The following DCBLD1 variants were observed in gnomAD, a reference collection of about 807,000 sequenced individuals.
DCBLD1 encodes discoidin, CUB and LCCL domain containing 1.
A neutral mutation model predicts 71.5 loss-of-function variants in DCBLD1; 57 were observed. The observed-to-expected ratio is 0.80, with a 90% CI of 0.64 to 0.99. The LOEUF is 0.99. DCBLD1 is among the 50% of genes least tolerant of loss of function. The pLI is 0.00. For synonymous variants in DCBLD1, 380 were observed against 363.8 expected, an observed-to-expected ratio of 1.04 and a Z score of -0.51; for missense variants, 891 against 923.5, an observed-to-expected ratio of 0.96 and a Z score of 0.46.
At position 117,489,422 on chromosome 6, in the gene DCBLD1, G is replaced by A. The variant is rs557263698; in HGVS notation, c.112+6529G>A. 2.0e-5 allele frequency among the ~76,000 whole-genome samples: 3 copies of A among 152,276 alleles called. No individual in the cohort carries two copies. In the East Asian group the frequency reaches 5.8e-4, roughly 29 times the overall value. ...ATCATATTCCAACATGAGATCTGGAGGGGACAAAACATCCAAACCATATCA... is the reference window on the plus strand; with the variant it reads ...ATCATATTCCAACATGAGATCTGGAAGGGACAAAACATCCAAACCATATCA... On this transcript the variant is annotated intron_variant, in intron 1 of 14. Transcript: ENST00000338728.
Position 117,548,280 on chromosome 6 carries a change from G to T in DCBLD1, c.1989G>T (p.Arg663Ser), listed in dbSNP as rs1779345967. The T allele has an allele frequency of 1.3e-6, 2 of 1,550,650 alleles. No individual in the cohort carries two copies. Among genetic ancestry groups the T allele is most frequent in the Non-Finnish European group, 1.7e-6 (2 of 1,146,996 alleles). Residue 663 changes from arginine to serine, a missense_variant, in exon 15 of 15, where the codon AGG (arginine) becomes AGT (serine). Physicochemically the swap from Arg to Ser is moderately radical, Grantham distance 110. Transcript: ENST00000338728. ...CACACAGCGCACAGCCTGCGGACAGGGGCTACGACCGGCCCAAAGCTGTCA... is the reference window on the plus strand; with the variant it reads ...CACACAGCGCACAGCCTGCGGACAGTGGCTACGACCGGCCCAAAGCTGTCA... The part of the protein sequence containing the change: ...QRPHSAQPAD[R>S]GYDRPKAVSA...
chr6:117,491,725 T>A (rs1259191810), intron 1 of DCBLD1, among the ~76,000 whole-genome samples: 1 of 152,194 alleles, frequency 6.6e-6, no homozygotes, highest in Non-Finnish European at 1.5e-5. Context: ...TATGTCTCTT[T>A]AGTCACTTTT....
At position 117,547,958 on chromosome 6, in the gene DCBLD1, C is replaced by T. The variant is rs1779325577; in HGVS notation, c.1667C>T (p.Ser556Phe). ...IGTGTVTRKGSTFRPMDTDAE... is the reference protein window; with the variant it reads ...IGTGTVTRKGFTFRPMDTDAE... ...ACCGGGACAGTCACGAGGAAGGGCT[C>T]CACCTTCCGGCCCATGGACACGGAT... The change falls in exon 15 of 15, where the codon TCC becomes TTC. Residue 556 changes from serine (S) to phenylalanine (F), a missense_variant. By Grantham distance (155) the Ser-to-Phe change is radical. Coordinates refer to ENST00000338728, the MANE Select transcript of DCBLD1 (RefSeq NM_001366458.2). The T allele has an allele frequency of 1.2e-5, 19 of 1,550,604 alleles. No individual in the cohort carries two copies. Among genetic ancestry groups the T allele is most frequent in the Non-Finnish European group, 1.7e-5 (19 of 1,146,980 alleles).
chr6:117,489,856 G>A (rs1777227126), intron 1 of DCBLD1, among the ~76,000 whole-genome samples: 1 of 152,206 alleles, frequency 6.6e-6, no homozygotes, highest in Non-Finnish European at 1.5e-5. Flanking sequence ...CTGCACTCCA[G>A]CCTGGGTGAC....
At position 117,543,649 on chromosome 6, in the gene DCBLD1, C is replaced by T. The variant is rs141446673; in HGVS notation, c.1445+438C>T. On this transcript the variant is annotated intron_variant, in intron 12 of 14. Coordinates refer to ENST00000338728, the MANE Select transcript of DCBLD1 (RefSeq NM_001366458.2). Reference sequence around the variant, plus strand: ...CACTGGGATTATAGGCATGAGCCACCGCACCCCACCATGTATTACTTTATA... The same window carrying T: ...CACTGGGATTATAGGCATGAGCCACTGCACCCCACCATGTATTACTTTATA... 1.4e-4 allele frequency among the ~76,000 whole-genome samples: 22 copies of T among 152,278 alleles called. 1 individual carries two copies. The highest frequency in any genetic ancestry group is 1.2e-3 in the Admixed American group (18 of 15,304).
At chr6:117,521,432 TA>T in intron 3 of DCBLD1, 92 bp from the exon 4 acceptor site, 2 of 1,128,664 alleles carry the variant, frequency 1.8e-6, no homozygotes, top group Non-Finnish European at 2.5e-6. Flanking sequence ...AAATGCTTTT[TA>T]AAAACTCTTT....
rs1470167124 is a variant in DCBLD1, at chr6:117,538,694, A to G, written c.835A>G (p.Ser279Gly). The G allele has an allele frequency of 2.5e-6, 4 of 1,614,062 alleles. No homozygotes were observed. ...ASSSWQSVNE[S>G]GDQVHWSPGQ... is the part of the protein sequence containing the mutation. ...TTCCTCATGGCAGTCGGTCAATGAG[A>G]GTGGAGACCAAGTTCACTGGTCTCC... The change falls in exon 8 of 15, where the codon AGT becomes GGT. Residue 279 changes from serine to glycine, a missense_variant. Physicochemically the swap from Ser to Gly is moderately conservative, Grantham distance 56. Transcript: ENST00000338728.
chr6:117,499,027 C>G (rs944685664), intron 1 of DCBLD1, among the ~76,000 whole-genome samples: 5 of 152,016 alleles, frequency 3.3e-5, no homozygotes, highest in Non-Finnish European at 5.9e-5. Flanking sequence ...TGTGCCTCTT[C>G]ATTTAATTCA....
chr6:117,537,533 C>CAA (rs201862651), intron 7 of DCBLD1, among the ~76,000 whole-genome samples: 5 of 92,612 alleles, frequency 5.4e-5, no homozygotes, highest in Admixed American at 1.1e-4. Context: ...GACTCCATCT[C>CAA]AAAAAAAAAA....
rs1284229566 is a variant in DCBLD1 at position 117,548,244 on chromosome 6, C to T, written c.1953C>T (p.Asp651=). The T allele has an allele frequency of 1.3e-6, 2 of 1,550,630 alleles. No homozygotes were observed. Among genetic ancestry groups the T allele is most frequent in the East Asian group, 4.9e-5 (2 of 40,908 alleles). Residue 651 remains aspartate (D), a synonymous_variant, in exon 15 of 15, where the codon GAC becomes GAT. Transcript: ENST00000338728. The stretch of plus-strand genomic sequence containing the variant: ...CGGGTGTGGGCGCCCAGGACGGAGA[C>T]TATCAAAGGCCACACAGCGCACAGC... ...PVAGVGAQDG[D]YQRPHSAQPA...
rs751524192 is a variant in DCBLD1 at position 117,537,152 on chromosome 6, C to T, written c.720-33C>T. 5.6e-6 allele frequency: 9 copies of T among 1,613,354 alleles called. No individual in the cohort carries two copies. In the East Asian group the frequency reaches 1.8e-4, roughly 32 times the overall value. On this transcript the variant is annotated intron_variant, in intron 6 of 14. Coordinates refer to ENST00000338728, the MANE Select transcript of DCBLD1 (RefSeq NM_001366458.2). Reference sequence around the variant, plus strand: ...TAGTCACTAAGATGTAGGTGAGCAACTTACCTTCTCATGTTTGTCTTTATT... The same window carrying T: ...TAGTCACTAAGATGTAGGTGAGCAATTTACCTTCTCATGTTTGTCTTTATT...
At chr6:117,569,001 C>T (rs1482117818) in intron 14 of DCBLD1, among the ~76,000 whole-genome samples, 1 of 152,150 alleles carries the variant, frequency 6.6e-6, no homozygotes, top group East Asian at 1.9e-4. Flanking sequence ...ATTTTAAGTA[C>T]AACTGTATGA....
chr6:117,547,478 T>G, intron 14 of DCBLD1: 1 of 466,046 alleles, frequency 2.1e-6, no homozygotes, highest in South Asian at 1.6e-5. Flanking sequence ...CCTGACCTGT[T>G]GCTTTGGTCC....
At chr6:117,513,696 T>G (rs775234112) in intron 2 of DCBLD1, among the ~76,000 whole-genome samples, 2 of 152,202 alleles carry the variant, frequency 1.3e-5, no homozygotes, top group Non-Finnish European at 2.9e-5. Flanking sequence ...CAAACATCCA[T>G]GCAAAACTGT....
At chr6:117,506,346 T>C (rs563856513) in intron 2 of DCBLD1, among the ~76,000 whole-genome samples, 5 of 152,274 alleles carry the variant, frequency 3.3e-5, no homozygotes, top group African/African-American at 1.2e-4. Flanking sequence ...TCTCCTGGTT[T>C]CACCATCACC....
intron 1 of DCBLD1, among the ~76,000 whole-genome samples, chr6:117,502,064 C>G (rs1419438568): frequency 6.6e-6 from 1 of 152,212 alleles, no homozygotes; most frequent in Non-Finnish European, 1.5e-5. Context: ...CCAGCTACCC[C>G]CATTGCTAGC....
chr6:117,552,753 C>T (rs754081025), downstream of DCBLD1, among the ~76,000 whole-genome samples: 2 of 152,142 alleles, frequency 1.3e-5, no homozygotes, highest in Non-Finnish European at 2.9e-5. Context: ...CCACACATGT[C>T]CACATTCTTG....
chr6:117,502,198 G>GGCC (rs1777686307), intron 1 of DCBLD1, among the ~76,000 whole-genome samples: 1 of 152,122 alleles, frequency 6.6e-6, no homozygotes, highest in Non-Finnish European at 1.5e-5. Context: ...AATTCTATGT[G>GGCC]TCTTTGTTGC....
At chr6:117,510,940 T>C (rs1184365649) in intron 2 of DCBLD1, among the ~76,000 whole-genome samples, 3 of 152,216 alleles carry the variant, frequency 2.0e-5, no homozygotes, top group East Asian at 3.8e-4. Context: ...TTAACCCTTA[T>C]AACAGCCCTG....
Sources: gnomAD v4.1 joint callset for allele counts (sites outside exome capture counted in the v4.1 genomes callset) on GRCh38, gnomAD v4.1.1 for gene constraint, MANE v1.5 for transcripts, NCBI Gene and HGNC (gene_info 2026-07-23, HGNC 2026-07-21) for gene names.